CTNNA2: variants seen among roughly 807,000 people sequenced by gnomAD.
CTNNA2 encodes catenin alpha-2.
Under a neutral mutation model 101.0 loss-of-function variants are expected in CTNNA2, and 42 were observed. The ratio of observed to expected loss-of-function variants is 0.42; its 90% CI spans 0.32 to 0.54. CTNNA2 has a LOEUF of 0.54. CTNNA2 is among the 20% of genes least tolerant of loss of function. The pLI, the probability that CTNNA2 is intolerant of heterozygous loss-of-function variation, is 0.14. For missense variants in CTNNA2, 871 were observed against 1,223.1 expected, an observed-to-expected ratio of 0.71 and a Z score of 4.29; for synonymous variants, 450 against 456.4, an observed-to-expected ratio of 0.99 and a Z score of 0.18.
chr2:80,423,545 T>C (rs146423111), intron 9 of CTNNA2, among the ~76,000 whole-genome samples: 5 of 152,322 alleles, frequency 3.3e-5, no homozygotes, highest in Admixed American at 2.6e-4. Flanking sequence ...TTCAAAAGCC[T>C]AAGTCAAAGA....
intron 7 of CTNNA2, among the ~76,000 whole-genome samples, chr2:80,377,281 C>G (rs1676047582): frequency 6.6e-6 from 1 of 152,216 alleles, no homozygotes; most frequent in Non-Finnish European, 1.5e-5. Flanking sequence ...AGTTCAGATT[C>G]TTGGCACTGT....
chr2:79,524,009 A>G (rs1303336080), intron 1 of CTNNA2, among the ~76,000 whole-genome samples: 1 of 152,228 alleles, frequency 6.6e-6, no homozygotes, highest in East Asian at 1.9e-4. Flanking sequence ...ATGATATACT[A>G]TTAAAACTAC....
In CTNNA2 at chr2:79,889,977, C is replaced by T. The variant is rs151309168; in HGVS notation, c.852+15635C>T. ...GAGAAATTCCAAACAGATTAAATTACCTCTTGGTGTAAGAGTGATTCTTAA... is the reference window on the plus strand; with the variant it reads ...GAGAAATTCCAAACAGATTAAATTATCTCTTGGTGTAAGAGTGATTCTTAA... On this transcript the variant is annotated intron_variant, in intron 6 of 18. Transcript: ENST00000402739. Among the ~76,000 whole-genome samples, 301 of 152,300 alleles carry T rather than the reference C, an allele frequency of 2.0e-3. 2 individuals are homozygous for T. Among genetic ancestry groups the T allele is most frequent in the Middle Eastern group, 3.4e-3 (1 of 292 alleles).
chr2:80,574,081 A>T (rs950608853), intron 12 of CTNNA2, 82 bp from the exon 13 acceptor site: 43 of 1,450,410 alleles, frequency 3.0e-5, no homozygotes, highest in Non-Finnish European at 4.0e-5. Flanking sequence ...ATGCCCGAGG[A>T]CCTGCCACTT....
At chr2:79,679,248 T>G (rs145194169) in intron 2 of CTNNA2, among the ~76,000 whole-genome samples, 1 of 152,192 alleles carries the variant, frequency 6.6e-6, no homozygotes, top group African/African-American at 2.4e-5. Flanking sequence ...TAGAAAATAA[T>G]GTATCGGATG....
At chr2:80,359,330 A>G (rs1039860362) in intron 7 of CTNNA2, among the ~76,000 whole-genome samples, 7 of 152,194 alleles carry the variant, frequency 4.6e-5, no homozygotes, top group African/African-American at 1.4e-4. Context: ...CTCTGGTTCT[A>G]CTGAGCTTTT....
intron 6 of CTNNA2, among the ~76,000 whole-genome samples, chr2:79,885,634 A>G (rs939930421): frequency 4.6e-5 from 7 of 152,346 alleles, no homozygotes; most frequent in South Asian, 2.1e-4. Flanking sequence ...TTATAAAGTC[A>G]TTTGACTACA....
chr2:80,576,636 G>A (rs72622687), intron 13 of CTNNA2, among the ~76,000 whole-genome samples: 4,255 of 151,806 alleles, frequency 0.028, 149 homozygotes, highest in East Asian at 0.12. Context: ...TTTATCAACT[G>A]ATCAATACTT....
At chr2:79,201,097 T>A (rs534827585) in intron 2 of CTNNA2, among the ~76,000 whole-genome samples, 1 of 151,284 alleles carries the variant, frequency 6.6e-6, no homozygotes, top group Non-Finnish European at 1.5e-5. Flanking sequence ...TCCCCCCCCC[T>A]TTTTTTGTGG....
intron 7 of CTNNA2, among the ~76,000 whole-genome samples, chr2:80,154,587 G>A (rs1703900749): frequency 6.6e-6 from 1 of 152,162 alleles, no homozygotes; most frequent in South Asian, 2.1e-4. Flanking sequence ...CTCATAAAGT[G>A]TTCTAGGCCT....
intron 1 of CTNNA2, among the ~76,000 whole-genome samples, chr2:79,195,543 A>C (rs1467488292): frequency 3.3e-5 from 5 of 152,174 alleles, no homozygotes; most frequent in Non-Finnish European, 5.9e-5. Flanking sequence ...AGTCCTACTA[A>C]CCAAAAGAAA....
intron 2 of CTNNA2, among the ~76,000 whole-genome samples, chr2:79,685,213 G>A (rs1045953569): frequency 1.3e-5 from 2 of 152,052 alleles, no homozygotes; most frequent in South Asian, 4.1e-4. Context: ...AACTAGATTA[G>A]CATATAATTT....
At chr2:80,301,337 G>T in intron 7 of CTNNA2, among the ~76,000 whole-genome samples, 1 of 152,188 alleles carries the variant, frequency 6.6e-6, no homozygotes, top group East Asian at 1.9e-4. Flanking sequence ...AGTGAGCTGA[G>T]GGGCTCCCTT....
intron 9 of CTNNA2, among the ~76,000 whole-genome samples, chr2:80,532,753 G>C (rs886839149): frequency 1.3e-5 from 2 of 152,098 alleles, no homozygotes; most frequent in African/African-American, 4.8e-5. Context: ...TTTTTTTAAA[G>C]CTCGAAAGGG....
At chr2:80,310,419 A>G (rs775606333) in intron 7 of CTNNA2, among the ~76,000 whole-genome samples, 1 of 152,114 alleles carries the variant, frequency 6.6e-6, no homozygotes, top group Non-Finnish European at 1.5e-5. Flanking sequence ...ATCCTAGGAG[A>G]TAATGGTATT....
intron 3 of CTNNA2, among the ~76,000 whole-genome samples, chr2:79,829,414 C>CACACACACACACACACACAG (rs1193420009): frequency 8.3e-6 from 1 of 120,748 alleles, no homozygotes; most frequent in Admixed American, 8.2e-5. Context: ...CACACACACA[C>CACACACACACACACACACAG]AGACACAAAG....
intron 2 of CTNNA2, among the ~76,000 whole-genome samples, chr2:79,214,347 A>C (rs61688069): frequency 0.27 from 40,266 of 151,872 alleles, 5,742 homozygotes; most frequent in African/African-American, 0.37. Context: ...AGAACAGAAT[A>C]ATGGATTGTG....
chr2:79,870,611 G>T (rs1365335863), intron 5 of CTNNA2, among the ~76,000 whole-genome samples: 1 of 152,124 alleles, frequency 6.6e-6, no homozygotes, highest in Admixed American at 6.5e-5. Context: ...ACTGCCCTGA[G>T]ACTGGGTAAT....
chr2:80,166,436 G>A (rs1336182005), intron 7 of CTNNA2, among the ~76,000 whole-genome samples: 1 of 152,128 alleles, frequency 6.6e-6, no homozygotes, highest in African/African-American at 2.4e-5. Flanking sequence ...GGGTCAGAGA[G>A]CTGCTGGGTT....
Sources: allele counts gnomAD v4.1 joint callset (sites outside exome capture counted in the v4.1 genomes callset), GRCh38; gene constraint gnomAD v4.1.1; transcripts MANE v1.5; gene names NCBI Gene and HGNC (gene_info 2026-07-23, HGNC 2026-07-21).